The following DGKG variants were observed in gnomAD, a reference collection of about 807,000 sequenced individuals.
The protein encoded by DGKG is diacylglycerol kinase gamma.
In DGKG, 78 loss-of-function variants were observed where a neutral mutation model predicts 105.3. That is an observed-to-expected ratio of 0.74 (90% CI 0.62 to 0.89). DGKG has a LOEUF of 0.89. DGKG is among the 40% of genes least tolerant of loss of function. The pLI, the probability that DGKG is intolerant of heterozygous loss-of-function variation, is 0.00. For missense variants in DGKG, 958 were observed against 1,020.1 expected, an observed-to-expected ratio of 0.94 and a Z score of 0.83; for synonymous variants, 346 against 367.1, an observed-to-expected ratio of 0.94 and a Z score of 0.66.
At chr3:186,166,224 A>C (rs1716535732) in intron 22 of DGKG, among the ~76,000 whole-genome samples, 2 of 152,252 alleles carry the variant, frequency 1.3e-5, no homozygotes, top group African/African-American at 4.8e-5. Flanking sequence ...TTGCTAGTCT[A>C]AATTACTGAC....
At chr3:186,181,640 G>C (rs1717362606) in intron 22 of DGKG, among the ~76,000 whole-genome samples, 1 of 152,214 alleles carries the variant, frequency 6.6e-6, no homozygotes, top group Admixed American at 6.5e-5. Flanking sequence ...GGCTGAGGCA[G>C]GAGAATCACT....
chr3:186,323,986 T>A (rs1466659782), intron 1 of DGKG, among the ~76,000 whole-genome samples: 1 of 146,794 alleles, frequency 6.8e-6, no homozygotes, highest in African/African-American at 2.5e-5. Context: ...TGCATGCTTG[T>A]AATCCCAGCT....
chr3:186,218,602 A>G (rs60430504), intron 20 of DGKG, among the ~76,000 whole-genome samples: 1 of 152,004 alleles, frequency 6.6e-6, no homozygotes, highest in African/African-American at 2.4e-5. Context: ...AATTCAGAAC[A>G]GGATGGGAGG....
intron 20 of DGKG, among the ~76,000 whole-genome samples, chr3:186,212,922 T>C (rs16860553): frequency 0.2 from 30,324 of 152,180 alleles, 3,169 homozygotes; most frequent in Middle Eastern, 0.34. Flanking sequence ...GGTTTGCAGA[T>C]GAAGGGGAAA....
chr3:186,290,856 G>C (rs1045422147), intron 5 of DGKG, among the ~76,000 whole-genome samples: 1 of 152,172 alleles, frequency 6.6e-6, no homozygotes, highest in African/African-American at 2.4e-5. Flanking sequence ...GCACACTTGT[G>C]GAAGGAAAAC....
chr3:186,269,988 G>A (rs941107111), intron 11 of DGKG, among the ~76,000 whole-genome samples: 1 of 152,128 alleles, frequency 6.6e-6, no homozygotes, highest in Non-Finnish European at 1.5e-5. Context: ...TTTTCACTAT[G>A]GTACCACAAA....
intron 23 of DGKG, among the ~76,000 whole-genome samples, 185 bp downstream of exon 23, chr3:186,164,713 G>A (rs1332293776): frequency 6.6e-6 from 1 of 152,206 alleles, no homozygotes; most frequent in African/African-American, 2.4e-5. Context: ...TCCAGTTGAT[G>A]TTTTAGATGG....
chr3:186,265,206 C>A, intron 14 of DGKG, 41 bp downstream of exon 14: 1 of 1,606,842 alleles, frequency 6.2e-7, no homozygotes, highest in Non-Finnish European at 8.5e-7. Flanking sequence ...AGCCCTGGAA[C>A]AACTTAGAAG....
At chr3:186,263,520 T>C (rs1721888355) in intron 14 of DGKG, among the ~76,000 whole-genome samples, 1 of 152,062 alleles carries the variant, frequency 6.6e-6, no homozygotes, top group African/African-American at 2.4e-5. Context: ...TGAGCTGAGA[T>C]CGCACCATTG....
chr3:186,204,405 C>T (rs1020126589), intron 21 of DGKG, among the ~76,000 whole-genome samples: 1 of 151,864 alleles, frequency 6.6e-6, no homozygotes, highest in East Asian at 1.9e-4. Flanking sequence ...GGCCCTGCTT[C>T]AAAATAATAA....
intron 21 of DGKG, among the ~76,000 whole-genome samples, chr3:186,209,465 C>T (rs950606692): frequency 6.6e-6 from 1 of 152,130 alleles, no homozygotes; most frequent in Non-Finnish European, 1.5e-5. Context: ...ATAATAATCT[C>T]TGGACTACTT....
chr3:186,163,924 G>T (rs920599011), intron 23 of DGKG, among the ~76,000 whole-genome samples: 2 of 152,092 alleles, frequency 1.3e-5, no homozygotes, highest in African/African-American at 4.8e-5. Context: ...AGAAAGGAGA[G>T]CAAAGCTTTG....
At chr3:186,260,545 G>T (rs753400832) in intron 15 of DGKG, 32 bp from the exon 16 acceptor site, 4 of 1,476,244 alleles carry the variant, frequency 2.7e-6, no homozygotes, top group African/African-American at 2.8e-5. Flanking sequence ...GAGGGAGAGA[G>T]AGAGACAGAG....
intron 1 of DGKG, among the ~76,000 whole-genome samples, chr3:186,335,688 C>T (rs1486779581): frequency 2.0e-5 from 3 of 152,136 alleles, no homozygotes; most frequent in East Asian, 1.9e-4. Context: ...GCCAAGGTAA[C>T]GCTATATGCC....
intron 22 of DGKG, among the ~76,000 whole-genome samples, chr3:186,169,292 A>C (rs926706919): frequency 1.1e-4 from 16 of 152,248 alleles, no homozygotes; most frequent in Non-Finnish European, 1.9e-4. Context: ...AAGAATATGC[A>C]TAAAAGAAAA....
intron 3 of DGKG, among the ~76,000 whole-genome samples, chr3:186,304,693 T>C (rs1724140963): frequency 6.6e-6 from 1 of 152,228 alleles, no homozygotes; most frequent in African/African-American, 2.4e-5. Context: ...TGTAGAATGT[T>C]AGCCACTTTG....
intron 1 of DGKG, among the ~76,000 whole-genome samples, chr3:186,321,790 A>G (rs1488213783): frequency 2.6e-5 from 4 of 152,204 alleles, no homozygotes; most frequent in Non-Finnish European, 4.4e-5. Flanking sequence ...TGCTGGAGAG[A>G]GAGAGATTCT....
In DGKG at chr3:186,231,371, T is replaced by C. The variant is rs916597353; in HGVS notation, c.1826+11133A>G. 1.3e-5 allele frequency among the ~76,000 whole-genome samples: 2 copies of C among 152,184 alleles called. No homozygotes were observed. Among genetic ancestry groups the C allele is most frequent in the Non-Finnish European group, 2.9e-5 (2 of 68,040 alleles). ...ACAGGCCTAGGTGTGAATCGTAGCT[T>C]CTCTAGTAACTAGTGTGGTCTTGAG... On this transcript the variant is annotated intron_variant, in intron 20 of 24. Coordinates refer to ENST00000265022, the MANE Select transcript of DGKG (RefSeq NM_001346.3). The surrounding 1 kb of genome is among the most constrained non-coding windows in gnomAD (Gnocchi z 4.5).
In DGKG at chr3:186,149,882, G is replaced by A; in HGVS notation, c.*208C>T. ...CATTCAAAATGTTTTGTTGGCACTG[G>A]CTCTGTTAGGGGTGTACCCACTGTT... On this transcript the variant is annotated 3_prime_UTR_variant, in exon 25 of 25. Coordinates refer to ENST00000265022, the MANE Select transcript of DGKG (RefSeq NM_001346.3). 1 of 1,332,984 alleles carries A rather than the reference G, an allele frequency of 7.5e-7. No individual in the cohort carries two copies. The allele number at this position is 1,332,984 out of a possible 1,614,324, so 82.6% of individuals were successfully genotyped here.
Sources: gnomAD v4.1 joint callset for allele counts (sites outside exome capture counted in the v4.1 genomes callset) on GRCh38, gnomAD v4.1.1 for gene constraint, Gnocchi (gnomAD v3.1) non-coding constraint, MANE v1.5 for transcripts, NCBI Gene and HGNC (gene_info 2026-07-23, HGNC 2026-07-21) for gene names.